The following KCNMA1 variants were observed in gnomAD, a reference collection of about 807,000 sequenced individuals.
KCNMA1 encodes the protein Calcium-activated potassium channel subunit alpha-1.
KCNMA1 carries 29 observed loss-of-function variants against 140.0 expected under a neutral mutation model. That is an observed-to-expected ratio of 0.21 (90% confidence interval 0.15 to 0.28). The LOEUF (loss-of-function observed/expected upper bound fraction) is 0.28, where lower values mean the gene tolerates loss of function less well. Ranked by LOEUF, KCNMA1 falls within the 10% of genes least tolerant of loss-of-function variation. The pLI, the probability that KCNMA1 is intolerant of heterozygous loss-of-function variation, is 1.00. For missense variants in KCNMA1, 880 were observed against 1,602.2 expected, an observed-to-expected ratio of 0.55 and a Z score of 7.70; for synonymous variants, 612 against 611.9, an observed-to-expected ratio of 1.00 and a Z score of 0.00.
At position 77,491,714 on chromosome 10, in the gene KCNMA1, TACACACAC is replaced by T. The variant is rs3071912; in HGVS notation, c.379-87699_379-87692del. Among the ~76,000 whole-genome samples, 212 of 145,350 alleles carry T rather than the reference TACACACAC, an allele frequency of 1.5e-3. 1 individual carries two copies. The highest frequency in any genetic ancestry group is 1.8e-3 in the Non-Finnish European group (119 of 65,946). On this transcript the variant is annotated intron_variant, in intron 1 of 27. Transcript: ENST00000286628. ...TGGGGGGAAATGGGTTTAGAAGTCA[TACACACAC>T]ACACACACACACACACACACACACA...
At chr10:77,073,396 C>T (rs905871412) in intron 13 of KCNMA1, 144 bp from the exon 14 acceptor site, 7 of 817,136 alleles carry the variant, frequency 8.6e-6, no homozygotes, top group African/African-American at 8.5e-5. Flanking sequence ...CTGATGTTTG[C>T]TGTTTTATGC....
chr10:77,425,497 A>G (rs912353559), intron 1 of KCNMA1, among the ~76,000 whole-genome samples: 14 of 152,022 alleles, frequency 9.2e-5, no homozygotes, highest in Non-Finnish European at 1.9e-4. Flanking sequence ...AAACCTGCCC[A>G]TGGCATGCAG....
chr10:77,270,371 T>C (rs2064688052), intron 2 of KCNMA1, among the ~76,000 whole-genome samples: 1 of 152,022 alleles, frequency 6.6e-6, no homozygotes, highest in Non-Finnish European at 1.5e-5. Flanking sequence ...GGAACTGGAG[T>C]GAGCTCAGCA....
At chr10:77,346,505 A>G (rs577730711) in intron 2 of KCNMA1, among the ~76,000 whole-genome samples, 1 of 152,312 alleles carries the variant, frequency 6.6e-6, no homozygotes, top group South Asian at 2.1e-4. Flanking sequence ...TAGAGTTTAT[A>G]TGGAAAATTC....
intron 5 of KCNMA1, among the ~76,000 whole-genome samples, chr10:77,162,484 T>C (rs2098570851): frequency 6.6e-6 from 1 of 152,178 alleles, no homozygotes; most frequent in Admixed American, 6.5e-5. Context: ...TGATTAATAT[T>C]TTCCTGGGAA....
chr10:77,436,489 G>A (rs1403667267), intron 1 of KCNMA1, among the ~76,000 whole-genome samples: 1 of 152,250 alleles, frequency 6.6e-6, no homozygotes. Flanking sequence ...AGGAAGGGGA[G>A]GGAACTGGAA....
At chr10:77,184,020 T>C (rs936805127) in intron 4 of KCNMA1, among the ~76,000 whole-genome samples, 4 of 151,800 alleles carry the variant, frequency 2.6e-5, no homozygotes, top group Admixed American at 1.3e-4. Flanking sequence ...ATTAGACTCA[T>C]TCATGTAAAT....
intron 19 of KCNMA1, among the ~76,000 whole-genome samples, chr10:76,982,985 A>G (rs564096631): frequency 9.2e-5 from 14 of 152,302 alleles, no homozygotes; most frequent in African/African-American, 3.4e-4. Flanking sequence ...CACAAGGCCT[A>G]TTCCTCACAG....
intron 1 of KCNMA1, among the ~76,000 whole-genome samples, chr10:77,462,426 CAAAT>C (rs1448147198): frequency 3.3e-5 from 5 of 152,154 alleles, no homozygotes; most frequent in African/African-American, 1.2e-4. Flanking sequence ...TGTATGCACT[CAAAT>C]AGACATATAA....
chr10:77,359,475 C>T (rs868268783), intron 2 of KCNMA1, among the ~76,000 whole-genome samples: 5 of 152,206 alleles, frequency 3.3e-5, no homozygotes, highest in South Asian at 4.1e-4. Context: ...CCAACCAGAG[C>T]GGAGAGGTGC....
At position 76,956,808 on chromosome 10, in the gene KCNMA1, T is replaced by A. The variant is rs570102285; in HGVS notation, c.2361-2884A>T. 8.1e-4 allele frequency among the ~76,000 whole-genome samples: 123 copies of A among 152,008 alleles called. 1 individual carries two copies. Among genetic ancestry groups the A allele is most frequent in the Non-Finnish European group, 1.4e-3 (97 of 68,010 alleles). On this transcript the variant is annotated intron_variant, in intron 20 of 27. Transcript: ENST00000286628. ...TTCATATCCTGGTATTTGGGTAGCA[T>A]TAAGGAAGGTTTTGCAAAGAAAGTA...
chr10:76,975,704 G>T (rs1452895833), intron 19 of KCNMA1, among the ~76,000 whole-genome samples: 1 of 152,196 alleles, frequency 6.6e-6, no homozygotes, highest in East Asian at 1.9e-4. Context: ...TGGAATGAGA[G>T]TTTCTTGCCT....
intron 2 of KCNMA1, among the ~76,000 whole-genome samples, chr10:77,315,003 G>A (rs2154348454): frequency 6.6e-6 from 1 of 151,330 alleles, no homozygotes; most frequent in African/African-American, 2.4e-5. Context: ...ATAATGGGAT[G>A]TACTATGATG....
At chr10:77,522,474 G>A (rs2053809977) in intron 1 of KCNMA1, among the ~76,000 whole-genome samples, 1 of 152,150 alleles carries the variant, frequency 6.6e-6, no homozygotes, top group Non-Finnish European at 1.5e-5. Flanking sequence ...ATAACTGTCG[G>A]GAACAGCATT....
chr10:77,534,485 C>A (rs1187900365), intron 1 of KCNMA1, among the ~76,000 whole-genome samples: 1 of 152,158 alleles, frequency 6.6e-6, no homozygotes, highest in Non-Finnish European at 1.5e-5. Flanking sequence ...ATACGAGGTC[C>A]TTTCTCTATC....
rs1268604608 is a variant in KCNMA1, at chr10:76,974,550, A to G, written c.2267-4483T>C. 1 of 1,549,070 alleles carries G rather than the reference A, an allele frequency of 6.5e-7. No individual in the cohort carries two copies. The highest frequency in any genetic ancestry group is 8.7e-7 in the Non-Finnish European group (1 of 1,145,558). ...TTGAACTCAAATGGATCTTTGGAAT[A>G]GCGTGATCTAGCTGCAACCTTGACT... On this transcript the variant is annotated intron_variant, in intron 19 of 27. Transcript: ENST00000286628.
At chr10:77,609,821 G>C (rs942022887) in intron 1 of KCNMA1, among the ~76,000 whole-genome samples, 2 of 152,042 alleles carry the variant, frequency 1.3e-5, no homozygotes, top group African/African-American at 4.8e-5. Flanking sequence ...CAGGGCTCAA[G>C]TTTCAAAAAC....
Position 77,403,788 on chromosome 10 carries a change from T to G in KCNMA1, c.540+74A>C, listed in dbSNP as rs1358958215. 1.5e-5 allele frequency: 22 copies of G among 1,452,888 alleles called. No individual in the cohort carries two copies. In the Admixed American group the frequency reaches 4.1e-4, roughly 27 times the overall value. 90.0% of individuals were successfully genotyped at this position (1,452,888 alleles called of 1,614,324 possible). A position where few individuals can be genotyped will look rare whatever the true frequency, so the allele number is the denominator to read the frequency against. On this transcript the variant is annotated intron_variant, in intron 2 of 27. Coordinates refer to ENST00000286628, the MANE Select transcript of KCNMA1 (RefSeq NM_001161352.2). ...CTCCTGCAGAAGACCCTGGGGAATA[T>G]CACGTCTCATAAGCAAAGCCACCTT...
intron 1 of KCNMA1, among the ~76,000 whole-genome samples, chr10:77,573,577 G>A (rs2154561425): frequency 6.6e-6 from 1 of 151,640 alleles, no homozygotes; most frequent in South Asian, 2.1e-4. Context: ...GGAAATCTAT[G>A]TAACAGGTTA....
Sources: allele counts gnomAD v4.1 joint callset (sites outside exome capture counted in the v4.1 genomes callset), GRCh38; gene constraint gnomAD v4.1.1; transcripts MANE v1.5; gene names NCBI Gene and HGNC (gene_info 2026-07-23, HGNC 2026-07-21).